LPP: variants seen among roughly 807,000 people sequenced by gnomAD.
LPP encodes the protein LIM domain containing preferred translocation partner in lipoma, also known as lipoma-preferred partner.
A neutral mutation model predicts 60.4 loss-of-function variants in LPP; 38 were observed. That is an observed-to-expected ratio of 0.63 (90% CI 0.49 to 0.83). The LOEUF is 0.83. Ranked by LOEUF, LPP falls within the 40% of genes least tolerant of loss-of-function variation. The pLI is 0.00. For missense variants in LPP, 902 were observed against 783.6 expected (o/e 1.15, Z -1.80); for synonymous variants, 328 against 290.8 (o/e 1.13, Z -1.30).
intron 4 of LPP, among the ~76,000 whole-genome samples, chr3:188,463,646 T>C (rs537497591): frequency 6.6e-6 from 1 of 152,314 alleles, no homozygotes; most frequent in South Asian, 2.1e-4. Context: ...TTAATAAACT[T>C]AATTTTCTTA....
At chr3:188,332,917 C>G (rs1246536132) in intron 2 of LPP, among the ~76,000 whole-genome samples, 1 of 145,850 alleles carries the variant, frequency 6.9e-6, no homozygotes, top group Admixed American at 6.8e-5. Flanking sequence ...CCCCCACCCT[C>G]CCACCCCAGT....
chr3:188,808,393 G>A (rs534179655), intron 9 of LPP, among the ~76,000 whole-genome samples: 32 of 152,250 alleles, frequency 2.1e-4, no homozygotes, highest in East Asian at 1.4e-3. Flanking sequence ...CAGTGTGGCT[G>A]TGAGTCTCCG....
At chr3:188,252,170 CATATATATATATATATATATATAT>C (rs10609191) in intron 2 of LPP, among the ~76,000 whole-genome samples, 10 of 101,914 alleles carry the variant, frequency 9.8e-5, no homozygotes, top group Non-Finnish European at 1.7e-4. Flanking sequence ...CTTCCCCAAA[CATATATATATATATATATATATAT>C]ATATATATAT....
chr3:188,342,015 G>T (rs956995851), intron 3 of LPP, among the ~76,000 whole-genome samples: 3 of 152,136 alleles, frequency 2.0e-5, no homozygotes, highest in Non-Finnish European at 4.4e-5. Flanking sequence ...AAATGCAATG[G>T]AGTAGAATGT....
At chr3:188,431,904 G>A (rs1455712564) in intron 4 of LPP, among the ~76,000 whole-genome samples, 27 of 152,144 alleles carry the variant, frequency 1.8e-4, no homozygotes, top group Admixed American at 1.5e-3. Flanking sequence ...CATAGTCTCC[G>A]CAGTCTGTAC....
intron 7 of LPP, among the ~76,000 whole-genome samples, chr3:188,695,395 C>G (rs764299980): frequency 6.6e-6 from 1 of 152,208 alleles, no homozygotes; most frequent in Non-Finnish European, 1.5e-5. Flanking sequence ...GCAGTGCTGA[C>G]GAATAACACT....
intron 8 of LPP, among the ~76,000 whole-genome samples, chr3:188,752,125 C>T (rs2150332734): frequency 6.6e-6 from 1 of 152,294 alleles, no homozygotes; most frequent in East Asian, 1.9e-4. Flanking sequence ...TCATGCTGGA[C>T]ACCTTCTAGA....
intron 7 of LPP, among the ~76,000 whole-genome samples, chr3:188,636,094 A>G (rs1227340319): frequency 6.6e-6 from 1 of 152,244 alleles, no homozygotes; most frequent in Non-Finnish European, 1.5e-5. Flanking sequence ...TACAGCTCCC[A>G]GCCTGAGCGA....
chr3:188,711,393 A>G (rs2149734721), intron 8 of LPP: 1 of 152,348 alleles, frequency 6.6e-6, no homozygotes, highest in Non-Finnish European at 1.5e-5. Flanking sequence ...TAATTTGCCT[A>G]ATGTCAACAG....
intron 1 of LPP, among the ~76,000 whole-genome samples, chr3:188,210,052 C>A (rs1349995088): frequency 1.3e-5 from 2 of 150,476 alleles, no homozygotes; most frequent in Non-Finnish European, 3.0e-5. Context: ...TGGATTCAAC[C>A]AACCAAGGCT....
intron 4 of LPP, among the ~76,000 whole-genome samples, chr3:188,471,029 G>A (rs1801712641): frequency 6.6e-6 from 1 of 152,040 alleles, no homozygotes; most frequent in African/African-American, 2.4e-5. Flanking sequence ...TCAAATCTTG[G>A]GAGGCTCAGA....
At chr3:188,622,733 G>A (rs562348728) in intron 7 of LPP, among the ~76,000 whole-genome samples, 1 of 151,980 alleles carries the variant, frequency 6.6e-6, no homozygotes, top group East Asian at 1.9e-4. Context: ...ATTACTTTTT[G>A]GAAAAAGAGA....
intron 6 of LPP, among the ~76,000 whole-genome samples, chr3:188,605,938 T>C (rs1486560731): frequency 6.6e-6 from 1 of 152,176 alleles, no homozygotes; most frequent in Non-Finnish European, 1.5e-5. Flanking sequence ...GGCACATTTT[T>C]ATAAACTGTC....
intron 9 of LPP, among the ~76,000 whole-genome samples, chr3:188,778,429 G>A (rs1252669393): frequency 6.6e-6 from 1 of 152,014 alleles, no homozygotes; most frequent in African/African-American, 2.4e-5. Flanking sequence ...GTGAAAATAG[G>A]GTCTTTTCTC....
intron 6 of LPP, among the ~76,000 whole-genome samples, chr3:188,607,848 T>C (rs910563645): frequency 1.5e-4 from 23 of 152,222 alleles, no homozygotes; most frequent in African/African-American, 5.3e-4. Context: ...GTTATGTGTA[T>C]ATAAATCTAT....
chr3:188,163,699 T>G (rs1719034593), intron 1 of LPP, among the ~76,000 whole-genome samples: 1 of 151,002 alleles, frequency 6.6e-6, no homozygotes, highest in Admixed American at 6.6e-5. Context: ...CCCAGCACTT[T>G]GGGAGACTGA....
intron 6 of LPP, among the ~76,000 whole-genome samples, chr3:188,545,796 TAC>T (rs1826483145): frequency 1.3e-5 from 2 of 152,112 alleles, no homozygotes; most frequent in Admixed American, 6.6e-5. Flanking sequence ...TTTTAGAACT[TAC>T]ACAGAGTGTC....
chr3:188,240,326 A>T (rs570732591), intron 2 of LPP, among the ~76,000 whole-genome samples: 2 of 151,252 alleles, frequency 1.3e-5, no homozygotes, highest in South Asian at 2.1e-4. Context: ...CATAAGAGTC[A>T]GGAGTTTTGG....
chr3:188,552,561 T>C (rs1213808045), intron 6 of LPP, among the ~76,000 whole-genome samples: 3 of 152,184 alleles, frequency 2.0e-5, no homozygotes, highest in Non-Finnish European at 4.4e-5. Flanking sequence ...TGGGTTAAGA[T>C]GAAGGTGTCA....
Sources: gnomAD v4.1 joint callset for allele counts (sites outside exome capture counted in the v4.1 genomes callset) on GRCh38, gnomAD v4.1.1 for gene constraint, MANE v1.5 for transcripts, NCBI Gene and HGNC (gene_info 2026-07-23, HGNC 2026-07-21) for gene names.